The following TUB variants were observed in gnomAD, a reference collection of about 807,000 sequenced individuals.
TUB encodes TUB bipartite transcription factor, also known as tubby protein homolog.
Under a neutral mutation model 59.7 loss-of-function variants are expected in TUB, and 33 were observed. That is an observed-to-expected ratio of 0.55 (90% CI 0.42 to 0.74). The LOEUF (loss-of-function observed/expected upper bound fraction) is 0.74, where lower values mean the gene tolerates loss of function less well. Among genes scored for constraint, TUB ranks in the 30% least tolerant of loss-of-function variants. The pLI, the probability that TUB is intolerant of heterozygous loss-of-function variation, is 0.00. For missense variants in TUB, 659 were observed against 672.0 expected (o/e 0.98, Z 0.21); for synonymous variants, 293 against 256.4 (o/e 1.14, Z -1.36).
At chr11:8,079,673 G>GGTGTGTGTGTGTGC (rs71059150), upstream of TUB, among the ~76,000 whole-genome samples, 63,277 of 149,348 alleles carry the variant, frequency 0.42, 15,909 homozygotes, top group Middle Eastern at 0.6. Flanking sequence ...CATGTGTGTA[G>GGTGTGTGTGTGTGC]GTGTGTGTAG....
chr11:8,046,532 T>C (rs1224696745), intron 2 of TUB, among the ~76,000 whole-genome samples: 1 of 152,230 alleles, frequency 6.6e-6, no homozygotes, highest in Non-Finnish European at 1.5e-5. Context: ...GACCTCTTTT[T>C]CACCATTCCC....
upstream of TUB, among the ~76,000 whole-genome samples, chr11:8,036,466 G>A (rs1942647950): frequency 6.6e-6 from 1 of 152,202 alleles, no homozygotes; most frequent in Admixed American, 6.5e-5. Context: ...AGAAGGCTGT[G>A]CTCACCATTC....
At chr11:8,084,750 C>G (rs531110977) in intron 1 of TUB, among the ~76,000 whole-genome samples, 106 of 152,306 alleles carry the variant, frequency 7.0e-4, no homozygotes, top group African/African-American at 2.5e-3. Flanking sequence ...TTGGCTTTCC[C>G]AGCCCCACAC....
At position 8,021,873 on chromosome 11, in the gene TUB, G is replaced by A. The variant is rs907285798; in HGVS notation, c.56+2515G>A. Among the ~76,000 whole-genome samples the A allele has an allele frequency of 6.7e-5, 10 of 148,960 alleles. No individual in the cohort carries two copies. In the East Asian group the frequency reaches 1.6e-3, roughly 23 times the overall value. On this transcript the variant is annotated intron_variant, in intron 1 of 11. Coordinates refer to the TUB transcript ENST00000534099. ...GGAGCTTGCAGTGAGCCGAGATCACGCCACTGGACTCTAGCCTGGGCAACA... is the reference window on the plus strand; with the variant it reads ...GGAGCTTGCAGTGAGCCGAGATCACACCACTGGACTCTAGCCTGGGCAACA...
intron 1 of TUB, among the ~76,000 whole-genome samples, chr11:8,083,815 C>A (rs1589957382): frequency 6.6e-6 from 1 of 152,164 alleles, no homozygotes; most frequent in Non-Finnish European, 1.5e-5. Flanking sequence ...TCAGCAGTTG[C>A]CAGGATCCCC....
At chr11:8,053,248 G>A (rs1942962200) in intron 2 of TUB, among the ~76,000 whole-genome samples, 1 of 152,078 alleles carries the variant, frequency 6.6e-6, no homozygotes, top group Non-Finnish European at 1.5e-5. Context: ...TCTATATGGT[G>A]CATGTTACAT....
chr11:8,049,467 A>G (rs1942891226), intron 2 of TUB, among the ~76,000 whole-genome samples: 1 of 151,984 alleles, frequency 6.6e-6, no homozygotes, highest in Admixed American at 6.6e-5. Context: ...GAGGCCCAGC[A>G]AAGAGACAAT....
Position 8,026,365 on chromosome 11 carries a change from C to T in TUB, c.56+7007C>T, listed in dbSNP as rs192892333. ...GATGTTGTATCTAAGAAATCATTGC[C>T]TACTTTGCGGTGACAAAGGTTTTTC... On this transcript the variant is annotated intron_variant, in intron 1 of 11. Transcript: ENST00000534099. 2.6e-5 allele frequency among the ~76,000 whole-genome samples: 4 copies of T among 151,334 alleles called. No homozygotes were observed. In the East Asian group the frequency reaches 7.7e-4, roughly 29 times the overall value.
intron 1 of TUB, 87 bp from the exon 2 acceptor site, chr11:8,089,523 G>C (rs923204077): frequency 7.9e-6 from 12 of 1,525,964 alleles, no homozygotes; most frequent in Non-Finnish European, 1.1e-5. Context: ...TGGGTTTAAC[G>C]GGCCCAGATA....
chr11:8,054,882 C>T (rs1942993389), intron 2 of TUB, among the ~76,000 whole-genome samples: 3 of 152,186 alleles, frequency 2.0e-5, no homozygotes, highest in South Asian at 4.1e-4. Flanking sequence ...GCTTACATGG[C>T]TTATTCTCTG....
chr11:8,031,248 C>T (rs1258367279), intron 1 of TUB, among the ~76,000 whole-genome samples: 1 of 149,704 alleles, frequency 6.7e-6, no homozygotes, highest in African/African-American at 2.4e-5. Context: ...TTTTGCCCTG[C>T]ATTTGGTGGG....
At chr11:8,095,718 A>C in intron 5 of TUB, 53 bp downstream of exon 5, 1,261 of 1,520,560 alleles carry the variant, frequency 8.3e-4, no homozygotes, top group Non-Finnish European at 1.0e-3. Flanking sequence ...CCAGGTTCTC[A>C]GATGCACCTT....
chr11:8,023,308 T>C (rs1359058322), intron 1 of TUB, among the ~76,000 whole-genome samples: 2 of 152,216 alleles, frequency 1.3e-5, no homozygotes, highest in East Asian at 3.8e-4. Context: ...AAACAGGCCT[T>C]ACCTCTTGGA....
chr11:8,057,287 A>G (rs1943035391), intron 2 of TUB, among the ~76,000 whole-genome samples: 1 of 152,180 alleles, frequency 6.6e-6, no homozygotes, highest in Admixed American at 6.5e-5. Context: ...CGCGCCTGTA[A>G]TCCCAGTGTT....
chr11:8,052,918 G>A lies in TUB; in HGVS notation c.203+13226G>A, dbSNP rs565091015. Among the ~76,000 whole-genome samples the A allele has an allele frequency of 2.6e-5, 4 of 152,166 alleles. No homozygotes were observed. In the South Asian group the frequency reaches 8.3e-4, roughly 32 times the overall value. On this transcript the variant is annotated intron_variant, in intron 2 of 12. Coordinates refer to the TUB transcript ENST00000305253. Reference sequence around the variant, plus strand: ...TTTTCAGTTAATTTTCTTAGATTTTGCTAGGTAGACAGTTGGATATGCAAA... The same window carrying A: ...TTTTCAGTTAATTTTCTTAGATTTTACTAGGTAGACAGTTGGATATGCAAA...
chr11:8,019,917 G>A (rs976711861), intron 1 of TUB, among the ~76,000 whole-genome samples: 2 of 152,166 alleles, frequency 1.3e-5, no homozygotes, highest in Non-Finnish European at 2.9e-5. Flanking sequence ...GCGCAGGAGC[G>A]GCGCTCTCGA....
chr11:8,071,250 G>A (rs374434309), intron 2 of TUB, among the ~76,000 whole-genome samples: 4 of 152,126 alleles, frequency 2.6e-5, no homozygotes, highest in Non-Finnish European at 5.9e-5. Context: ...TTTTTCATAG[G>A]GGTAGGTCTA....
At chr11:8,080,537 T>C (rs1324259384), upstream of TUB, among the ~76,000 whole-genome samples, 1 of 152,192 alleles carries the variant, frequency 6.6e-6, no homozygotes, top group African/African-American at 2.4e-5. Context: ...GCTCCACCAC[T>C]TCCTAGCTTT....
intron 2 of TUB, among the ~76,000 whole-genome samples, chr11:8,040,379 C>T (rs1406094): frequency 2.0e-5 from 3 of 151,970 alleles, no homozygotes; most frequent in Admixed American, 6.5e-5. Flanking sequence ...GTCTGCTGGG[C>T]GTCCCCAACA....
Sources: allele counts gnomAD v4.1 joint callset (sites outside exome capture counted in the v4.1 genomes callset), GRCh38; gene constraint gnomAD v4.1.1; transcripts MANE v1.5; gene names NCBI Gene and HGNC (gene_info 2026-07-23, HGNC 2026-07-21).